Variants in KIAA1671 observed in about 807,000 individuals in gnomAD.
KIAA1671 encodes the protein KIAA1671.
In KIAA1671, 52 loss-of-function variants were observed where a neutral mutation model predicts 131.2. The observed-to-expected ratio is 0.40, with a 90% confidence interval of 0.32 to 0.50. The LOEUF (loss-of-function observed/expected upper bound fraction) is 0.50, where lower values mean the gene tolerates loss of function less well. Among genes scored for constraint, KIAA1671 ranks in the 20% least tolerant of loss-of-function variants. The pLI is 0.73. For missense variants in KIAA1671, 2,360 were observed against 2,364.2 expected (o/e 1.00, Z 0.04); for synonymous variants, 1,003 against 961.6 (o/e 1.04, Z -0.80).
chr22:25,098,970 G>A (rs1221668506), intron 6 of KIAA1671, among the ~76,000 whole-genome samples: 1 of 152,202 alleles, frequency 6.6e-6, no homozygotes, highest in African/African-American at 2.4e-5. Flanking sequence ...CTCTGCAAGT[G>A]GAGACCATTC....
At chr22:25,025,532 T>G (rs1925901138) in intron 1 of KIAA1671, 101 bp from the exon 2 acceptor site, 1 of 151,990 alleles carries the variant, frequency 6.6e-6, no homozygotes, top group African/African-American at 2.4e-5. Flanking sequence ...CAAGCTGGAG[T>G]AGATGCCAGC....
At chr22:25,093,858 C>CTCTCTCTCTCTCTCTCTCTCTCTCTT (rs1930265243) in intron 6 of KIAA1671, among the ~76,000 whole-genome samples, 1 of 132,532 alleles carries the variant, frequency 7.5e-6, no homozygotes, top group Non-Finnish European at 1.6e-5. Flanking sequence ...CTCTCTCTCT[C>CTCTCTCTCTCTCTCTCTCTCTCTCTT]TCTCTCTCTC....
intron 6 of KIAA1671, among the ~76,000 whole-genome samples, chr22:25,160,497 A>T (rs547635779): frequency 2.0e-4 from 31 of 152,034 alleles, no homozygotes; most frequent in African/African-American, 7.5e-4. Flanking sequence ...CTGCTTCTCT[A>T]TCTGCCTCTG....
chr22:25,176,614 C>G (rs1414874062), intron 8 of KIAA1671: 2 of 152,242 alleles, frequency 1.3e-5, no homozygotes, highest in Non-Finnish European at 2.9e-5. Context: ...AACCAGGATT[C>G]GAACCCAGCA....
At chr22:25,183,678 A>T (rs1934372192) in intron 10 of KIAA1671, among the ~76,000 whole-genome samples, 1 of 151,764 alleles carries the variant, frequency 6.6e-6, no homozygotes, top group Non-Finnish European at 1.5e-5. Context: ...GCCGGCCACC[A>T]TGCCTGGCTA....
Position 25,177,413 on chromosome 22 carries a change from C to T in KIAA1671, c.4965C>T (p.Arg1655=). 1 of 1,551,796 alleles carries T rather than the reference C, an allele frequency of 6.4e-7. No homozygotes were observed. The highest frequency in any genetic ancestry group is 8.7e-7 in the Non-Finnish European group (1 of 1,147,016). The part of the protein sequence containing the change: ...TRVQLSKRSR[R]RAPISHSLRR... ...TGCAGCTCAGCAAGAGAAGCCGCCG[C>T]CGGGCCCCCATCTCCCACTCCCTCC... Residue 1655 remains arginine, a synonymous_variant, in exon 9 of 13, where the codon CGC becomes CGT. Transcript: ENST00000358431.
intron 6 of KIAA1671, among the ~76,000 whole-genome samples, chr22:25,143,702 A>T (rs986499691): frequency 6.6e-6 from 1 of 152,130 alleles, no homozygotes; most frequent in African/African-American, 2.4e-5. Context: ...GATGACATGC[A>T]CCAGGCTCCC....
intron 6 of KIAA1671, among the ~76,000 whole-genome samples, chr22:25,167,968 G>A (rs1933701877): frequency 6.6e-6 from 1 of 152,108 alleles, no homozygotes; most frequent in South Asian, 2.1e-4. Context: ...CTGAATTCTT[G>A]TAACTTCTCT....
In KIAA1671 at chr22:25,040,001, A is replaced by AT; in HGVS notation, c.2874dup (p.Asp959Ter). ...GGCGGACTTTACCCCCCAACGTGAA[A>AT]TTTGATACATTCAGTTCTCTTGTCC... On this transcript the variant is annotated frameshift_variant, in exon 5 of 13. Transcript: ENST00000358431. LOFTEE classifies it high-confidence loss of function. The AT allele has an allele frequency of 6.4e-7, 1 of 1,551,376 alleles. No individual in the cohort carries two copies. Among genetic ancestry groups the AT allele is most frequent in the Non-Finnish European group, 8.7e-7 (1 of 1,146,784 alleles).
intron 1 of KIAA1671, among the ~76,000 whole-genome samples, chr22:24,993,058 A>G (rs941432156): frequency 1.6e-4 from 24 of 152,066 alleles, no homozygotes; most frequent in African/African-American, 5.8e-4. Context: ...CCAGGTGCTG[A>G]TCTCGAAGCC....
chr22:25,080,833 G>T (rs1405551174), intron 6 of KIAA1671, among the ~76,000 whole-genome samples: 2 of 152,086 alleles, frequency 1.3e-5, no homozygotes, highest in Non-Finnish European at 2.9e-5. Flanking sequence ...AATAAAAAGA[G>T]AGCCATGTGG....
chr22:25,093,733 ACACACTCTCTCTCTCTCTCT>A (rs1930157936), intron 6 of KIAA1671, among the ~76,000 whole-genome samples: 3 of 33,220 alleles, frequency 9.0e-5, no homozygotes, highest in Admixed American at 2.3e-4. Context: ...ACACACACAC[ACACACTCTCTCTCTCTCTCT>A]CTCTCTCTCT....
intron 6 of KIAA1671, among the ~76,000 whole-genome samples, chr22:25,135,707 G>T (rs565092683): frequency 6.6e-6 from 1 of 152,222 alleles, no homozygotes; most frequent in Admixed American, 6.5e-5. Context: ...TCACGTGGCT[G>T]TCTGGTGGGT....
At chr22:25,080,374 C>T (rs1470707386) in intron 6 of KIAA1671, among the ~76,000 whole-genome samples, 1 of 152,086 alleles carries the variant, frequency 6.6e-6, no homozygotes, top group African/African-American at 2.4e-5. Flanking sequence ...TTGTGAGATT[C>T]CTCAGCCCCT....
At chr22:25,044,818 A>G (rs1158226995) in intron 5 of KIAA1671, among the ~76,000 whole-genome samples, 5 of 152,160 alleles carry the variant, frequency 3.3e-5, no homozygotes, top group Admixed American at 6.5e-5. Flanking sequence ...ATATATATGC[A>G]TAATTGTCAT....
In KIAA1671 at chr22:25,181,722, G is replaced by T. The variant is rs1396997796; in HGVS notation, c.5098G>T (p.Glu1700Ter). 1 of 1,551,648 alleles carries T rather than the reference G, an allele frequency of 6.4e-7. No homozygotes were observed. Among genetic ancestry groups the T allele is most frequent in the Admixed American group, 2.0e-5 (1 of 50,994 alleles). Reference sequence around the variant, plus strand: ...AGAGGAGAAATCACCCAGGAAGGAGGAGTCGGATGAGGAGGAGACGGCATC... The same window carrying T: ...AGAGGAGAAATCACCCAGGAAGGAGTAGTCGGATGAGGAGGAGACGGCATC... The part of the protein sequence containing the change: ...STEEKSPRKE[E>*]SDEEETASKA... The change falls in exon 10 of 13, where the codon GAG becomes TAG. Residue 1700 changes from glutamate to a stop codon, truncating the protein, a stop_gained. Transcript: ENST00000358431. LOFTEE classifies it high-confidence loss of function.
intron 1 of KIAA1671, among the ~76,000 whole-genome samples, chr22:24,976,272 G>A (rs533628730): frequency 6.6e-6 from 1 of 152,352 alleles, no homozygotes; most frequent in Non-Finnish European, 1.5e-5. Flanking sequence ...AAGGCTGTCT[G>A]GATGTTCCTG....
chr22:24,995,943 A>G (rs1337439815), intron 1 of KIAA1671, among the ~76,000 whole-genome samples: 1 of 152,188 alleles, frequency 6.6e-6, no homozygotes, highest in Non-Finnish European at 1.5e-5. Context: ...CAAGGGGAGG[A>G]GACTGGGGGC....
Position 25,038,775 on chromosome 22 carries a change from A to T in KIAA1671, c.1645A>T (p.Ser549Cys). 2.0e-6 allele frequency: 3 copies of T among 1,537,904 alleles called. No homozygotes were observed. The South Asian group carries it at 3.6e-5, about 18-fold the overall frequency. ...TTCTTTCCAGCAAAAGGAGGGGCACAGTTTGGATGGAGCATGCATCCCGAG... is the reference window on the plus strand; with the variant it reads ...TTCTTTCCAGCAAAAGGAGGGGCACTGTTTGGATGGAGCATGCATCCCGAG... ...EPREKQKEGH[S>C]LDGACIPRSP... Residue 549 changes from serine to cysteine, a missense_variant, in exon 5 of 13, where the codon AGT (serine) becomes TGT (cysteine). Around this residue, in one of 3 missense-constraint regions of KIAA1671, gnomAD observed 1,185 missense variants for 1,126.2 expected, o/e 1.05. Transcript: ENST00000358431.
Sources: allele counts gnomAD v4.1 joint callset (sites outside exome capture counted in the v4.1 genomes callset), GRCh38; gene constraint gnomAD v4.1.1; regional missense constraint gnomAD v4.1.1; transcripts MANE v1.5; gene names NCBI Gene and HGNC (gene_info 2026-07-23, HGNC 2026-07-21).